The following RNF152 variants were observed in gnomAD, a reference collection of about 807,000 sequenced individuals.
RNF152 encodes the protein ring finger protein 152.
RNF152 carries 11 observed loss-of-function variants against 12.7 expected under a neutral mutation model. The ratio of observed to expected loss-of-function variants is 0.86; its 90% CI spans 0.54 to 1.43. RNF152 has a LOEUF of 1.43. Ranked by LOEUF, RNF152 falls within the 40% of genes most tolerant of loss-of-function variation. RNF152 has a pLI of 0.00. For missense variants in RNF152, 255 were observed against 274.8 expected, an observed-to-expected ratio of 0.93 and a Z score of 0.51; for synonymous variants, 113 against 120.3, an observed-to-expected ratio of 0.94 and a Z score of 0.40.
chr18:61,891,000 T>C (rs1317914284), intron 1 of RNF152, among the ~76,000 whole-genome samples: 1 of 152,210 alleles, frequency 6.6e-6, no homozygotes, highest in Non-Finnish European at 1.5e-5. Flanking sequence ...TGAGCTTCCA[T>C]TGAAGTTAAT....
Position 61,814,630 on chromosome 18 carries a change from C to T in RNF152, c.*1222G>A, listed in dbSNP as rs186048444. 2.8e-3 allele frequency: 423 copies of T among 152,268 alleles called. 3 individuals carry two copies. The highest frequency in any genetic ancestry group is 9.7e-3 in the African/African-American group (405 of 41,548). 9.4% of individuals were successfully genotyped at this position (152,268 alleles called of 1,614,324 possible). The stretch of plus-strand genomic sequence containing the variant: ...ACCTTGCCACCTTTCTTGGTAAAAA[C>T]GTGTTAAAATACAGGAGATCTTCTC... On this transcript the variant is annotated 3_prime_UTR_variant, in exon 2 of 2. Coordinates refer to ENST00000312828, the MANE Select transcript of RNF152 (RefSeq NM_173557.3).
At chr18:61,840,506 A>G (rs1910403200) in intron 1 of RNF152, among the ~76,000 whole-genome samples, 1 of 152,042 alleles carries the variant, frequency 6.6e-6, no homozygotes, top group Admixed American at 6.5e-5. Context: ...TTTAGTCTGG[A>G]AACTCCTAGT....
chr18:61,877,734 A>G (rs1242631592), intron 1 of RNF152, among the ~76,000 whole-genome samples: 1 of 152,210 alleles, frequency 6.6e-6, no homozygotes, highest in Non-Finnish European at 1.5e-5. Context: ...ATGCTGCACA[A>G]GAAAAAACAA....
intron 1 of RNF152, among the ~76,000 whole-genome samples, chr18:61,883,479 G>C (rs542406790): frequency 1.3e-5 from 2 of 152,156 alleles, no homozygotes; most frequent in East Asian, 3.9e-4. Context: ...ATTCTGCCCC[G>C]CTTGCTCCTC....
At chr18:61,845,199 C>G (rs1300319298) in intron 1 of RNF152, among the ~76,000 whole-genome samples, 1 of 152,368 alleles carries the variant, frequency 6.6e-6, no homozygotes. Flanking sequence ...TATCCTCCCC[C>G]ATCAGCCTCC....
chr18:61,873,194 G>T (rs755075623), intron 1 of RNF152, among the ~76,000 whole-genome samples: 3 of 151,968 alleles, frequency 2.0e-5, no homozygotes, highest in Admixed American at 6.6e-5. Flanking sequence ...AATGAAATTG[G>T]GTAACTTCTG....
chr18:61,866,038 C>T (rs1418556834), intron 1 of RNF152, among the ~76,000 whole-genome samples: 9 of 152,268 alleles, frequency 5.9e-5, no homozygotes, highest in East Asian at 1.9e-4. Context: ...CTCCCACTGC[C>T]TGGGTTCATT....
chr18:61,822,735 C>T (rs564153457), intron 1 of RNF152, among the ~76,000 whole-genome samples: 32 of 152,256 alleles, frequency 2.1e-4, no homozygotes, highest in Admixed American at 9.2e-4. Flanking sequence ...TTGATTACAT[C>T]GGGCTGACCT....
At chr18:61,852,017 T>C (rs2144696082) in intron 1 of RNF152, among the ~76,000 whole-genome samples, 1 of 152,262 alleles carries the variant, frequency 6.6e-6, no homozygotes, top group Admixed American at 6.5e-5. Flanking sequence ...TCACCTACTG[T>C]CAAAGGCCAG....
chr18:61,834,934 C>T (rs1910114806), intron 1 of RNF152, among the ~76,000 whole-genome samples: 1 of 152,114 alleles, frequency 6.6e-6, no homozygotes, highest in African/African-American at 2.4e-5. Context: ...GGGGTAGGGT[C>T]CCACTGCAAA....
At chr18:61,824,067 C>T (rs1909544723) in intron 1 of RNF152, among the ~76,000 whole-genome samples, 1 of 152,304 alleles carries the variant, frequency 6.6e-6, no homozygotes, top group South Asian at 2.1e-4. Context: ...TTTGATGATG[C>T]ATATTTAAAA....
At chr18:61,875,643 G>GT (rs200521489) in intron 1 of RNF152, among the ~76,000 whole-genome samples, 2 of 152,046 alleles carry the variant, frequency 1.3e-5, no homozygotes, top group East Asian at 3.9e-4. Context: ...TCCCAAATCT[G>GT]TTTTTTTCCC....
At chr18:61,835,857 C>A (rs924004885) in intron 1 of RNF152, among the ~76,000 whole-genome samples, 2 of 152,008 alleles carry the variant, frequency 1.3e-5, no homozygotes, top group Non-Finnish European at 2.9e-5. Context: ...TTTGTATAGA[C>A]CATATGCTAA....
intron 1 of RNF152, among the ~76,000 whole-genome samples, chr18:61,877,032 C>T (rs1251783403): frequency 6.6e-6 from 1 of 152,166 alleles, no homozygotes; most frequent in East Asian, 1.9e-4. Flanking sequence ...TGGGGTGGCT[C>T]TTTGTACAAA....
intron 1 of RNF152, among the ~76,000 whole-genome samples, chr18:61,859,880 A>AAAAAGAAAAG (rs146200073): frequency 0.023 from 3,512 of 151,210 alleles, 139 homozygotes; most frequent in African/African-American, 0.079. Flanking sequence ...ACCTCAAAGA[A>AAAAAGAAAAG]AAAAGAAAAG....
At chr18:61,830,972 C>T (rs1292413807) in intron 1 of RNF152, among the ~76,000 whole-genome samples, 2 of 151,940 alleles carry the variant, frequency 1.3e-5, no homozygotes, top group Admixed American at 6.6e-5. Flanking sequence ...CTAGCTTTAC[C>T]CTGTAATTTT....
chr18:61,842,757 A>G (rs976353285), intron 1 of RNF152, among the ~76,000 whole-genome samples: 4 of 152,230 alleles, frequency 2.6e-5, no homozygotes, highest in Non-Finnish European at 5.9e-5. Flanking sequence ...AGCAAGTCAC[A>G]TCTTATGTGG....
chr18:61,880,975 G>A (rs1599324494), intron 1 of RNF152, among the ~76,000 whole-genome samples: 2 of 145,858 alleles, frequency 1.4e-5, no homozygotes, highest in South Asian at 4.4e-4. Context: ...GTGCAGTGAT[G>A]CAATCTCAGC....
chr18:61,871,202 C>G lies in RNF152; in HGVS notation c.-136+21593G>C, dbSNP rs565676721. On this transcript the variant is annotated intron_variant, in intron 1 of 1. Coordinates refer to ENST00000312828, the MANE Select transcript of RNF152 (RefSeq NM_173557.3). ...GTGAACCACCTCCCACCCCCACCCA[C>G]CTCCCCCCACCCCAAAAAAAAACAG... Among the ~76,000 whole-genome samples, 125 of 140,598 alleles carry G rather than the reference C, an allele frequency of 8.9e-4. 1 individual carries two copies. Among genetic ancestry groups the G allele is most frequent in the Middle Eastern group, 7.1e-3 (2 of 282 alleles). 92.2% of individuals were successfully genotyped at this position (140,598 alleles called of 152,430 possible). A position where few individuals can be genotyped will look rare whatever the true frequency, so the allele number is the denominator to read the frequency against.
Sources: allele counts gnomAD v4.1 joint callset (sites outside exome capture counted in the v4.1 genomes callset), GRCh38; gene constraint gnomAD v4.1.1; transcripts MANE v1.5; gene names NCBI Gene and HGNC (gene_info 2026-07-23, HGNC 2026-07-21).